Variants in OVOL2 observed in about 807,000 individuals in gnomAD.
The protein encoded by OVOL2 is ovo like zinc finger 2.
Under a neutral mutation model 18.1 loss-of-function variants are expected in OVOL2, and 13 were observed. That is an observed-to-expected ratio of 0.72 (90% CI 0.47 to 1.14). The LOEUF is 1.14. Among genes scored for constraint, OVOL2 ranks in the 50% most tolerant of loss-of-function variants. The probability of loss-of-function intolerance (pLI) is 0.00; values close to 1 mark genes in which losing one functional copy is unlikely to be tolerated. For missense variants in OVOL2, 335 were observed against 383.0 expected, an observed-to-expected ratio of 0.87 and a Z score of 1.05; for synonymous variants, 166 against 162.7, an observed-to-expected ratio of 1.02 and a Z score of -0.16.
chr20:18,055,087 G>C (rs75452705), intron 2 of OVOL2, among the ~76,000 whole-genome samples: 6 of 151,800 alleles, frequency 4.0e-5, no homozygotes, highest in African/African-American at 1.5e-4. Flanking sequence ...TGTGCCTCCC[G>C]CCCCCCTTCC....
chr20:18,029,907 GA>G (rs2036552755), intron 3 of OVOL2, among the ~76,000 whole-genome samples: 1 of 152,104 alleles, frequency 6.6e-6, no homozygotes, highest in South Asian at 2.1e-4. Context: ...TGGAACCCAG[GA>G]ATTCAAGGCT....
At chr20:18,040,390 T>A (rs929127534) in intron 3 of OVOL2, among the ~76,000 whole-genome samples, 2 of 152,080 alleles carry the variant, frequency 1.3e-5, no homozygotes, top group African/African-American at 4.8e-5. Flanking sequence ...CGTGATGGGC[T>A]GGGATGGGCT....
chr20:18,034,154 A>T (rs2036594276), intron 3 of OVOL2, among the ~76,000 whole-genome samples: 1 of 152,090 alleles, frequency 6.6e-6, no homozygotes, highest in Non-Finnish European at 1.5e-5. Context: ...GGGTCAGTGC[A>T]TGTCCCCAGC....
At chr20:18,028,066 C>T (rs1229278106) in intron 3 of OVOL2, among the ~76,000 whole-genome samples, 1 of 152,166 alleles carries the variant, frequency 6.6e-6, no homozygotes, top group Non-Finnish European at 1.5e-5. Context: ...GGAGGGATGC[C>T]ACCTGGAGAA....
chr20:18,057,796 C>T lies in OVOL2; in HGVS notation c.-162G>A, dbSNP rs2036845282. 1 of 1,374,530 alleles carries T rather than the reference C, an allele frequency of 7.3e-7. No individual in the cohort carries two copies. The highest frequency in any genetic ancestry group is 9.3e-7 in the Non-Finnish European group (1 of 1,071,238). The allele number at this position is 1,374,530 out of a possible 1,614,324, so 85.1% of individuals were successfully genotyped here. ...CGCCGCGGCGCGGCCCAGGCCTCTC[C>T]CCCGCACGCCTGGCGACTCCCAGCC... On this transcript the variant is annotated 5_prime_UTR_variant, in exon 1 of 4. Coordinates refer to ENST00000278780, the MANE Select transcript of OVOL2 (RefSeq NM_021220.4). The surrounding 1 kb of genome is among the most constrained non-coding windows in gnomAD (Gnocchi z 6.3).
In OVOL2 at chr20:18,057,522, C is replaced by T; in HGVS notation, c.100+13G>A. On this transcript the variant is annotated intron_variant, in intron 1 of 3. Coordinates refer to ENST00000278780, the MANE Select transcript of OVOL2 (RefSeq NM_021220.4). This position sits in a 1 kb window ranked among gnomAD's most constrained non-coding sequence, Gnocchi z 6.3. The stretch of plus-strand genomic sequence containing the variant: ...GAGCCCAGCGCCCAGGCCCGGCCCC[C>T]GCGCGCGCTCACCTGGGATGTAGGT... The T allele has an allele frequency of 6.4e-7, 1 of 1,559,888 alleles. No homozygotes were observed. The highest frequency in any genetic ancestry group is 8.7e-7 in the Non-Finnish European group (1 of 1,151,814).
rs1255593468 is a variant in OVOL2 at position 18,024,467 on chromosome 20, G to A, written c.*169C>T. The A allele has an allele frequency of 3.6e-6, 5 of 1,370,878 alleles. No individual in the cohort carries two copies. Among genetic ancestry groups the A allele is most frequent in the East Asian group, 2.6e-5 (1 of 39,184 alleles). 84.9% of individuals were successfully genotyped at this position (1,370,878 alleles called of 1,614,324 possible). On this transcript the variant is annotated 3_prime_UTR_variant, in exon 4 of 4. Coordinates refer to ENST00000278780, the MANE Select transcript of OVOL2 (RefSeq NM_021220.4). ...GGTTACAGGGCCTGACGTCACTAAC[G>A]GCAACTGACAATCTTGGAATGGACC...
rs978451867 is a variant in OVOL2 at position 18,056,537 on chromosome 20, C to T, written c.321+120G>A. On this transcript the variant is annotated intron_variant, in intron 2 of 3. Transcript: ENST00000278780. This position sits in a 1 kb window ranked among gnomAD's most constrained non-coding sequence, Gnocchi z 4.2. ...GCAGGTGCAGGAGCGGCGCGGCGGGCGCGCTCGGGGCGCGGGTGCCGGGTT... is the reference window on the plus strand; with the variant it reads ...GCAGGTGCAGGAGCGGCGCGGCGGGTGCGCTCGGGGCGCGGGTGCCGGGTT... The T allele has an allele frequency of 3.7e-6, 4 of 1,075,830 alleles. No individual in the cohort carries two copies. The highest frequency in any genetic ancestry group is 8.9e-5 in the South Asian group (2 of 22,562). The allele number at this position is 1,075,830 out of a possible 1,614,324, so 66.6% of individuals were successfully genotyped here. A position where few individuals can be genotyped will look rare whatever the true frequency, so the allele number is the denominator to read the frequency against.
At chr20:18,055,898 G>A (rs1487094187) in intron 2 of OVOL2, among the ~76,000 whole-genome samples, 1 of 152,208 alleles carries the variant, frequency 6.6e-6, no homozygotes, top group Non-Finnish European at 1.5e-5. Context: ...GGTGGGTAGC[G>A]GATACCTTTG....
chr20:18,037,315 G>A (rs1286146663), intron 3 of OVOL2, among the ~76,000 whole-genome samples: 1 of 152,186 alleles, frequency 6.6e-6, no homozygotes, highest in Non-Finnish European at 1.5e-5. Context: ...CACCACTGAT[G>A]GGTTGTGTGA....
intron 3 of OVOL2, among the ~76,000 whole-genome samples, chr20:18,027,682 G>A (rs1222374610): frequency 4.6e-5 from 7 of 151,834 alleles, no homozygotes; most frequent in Non-Finnish European, 1.0e-4. Flanking sequence ...TGCAAGCTCC[G>A]CCTCCTGGGT....
At chr20:18,033,275 C>T (rs62206506) in intron 3 of OVOL2, among the ~76,000 whole-genome samples, 24,080 of 152,248 alleles carry the variant, frequency 0.16, 2,012 homozygotes, top group Middle Eastern at 0.27. Context: ...AGGGTGGGGC[C>T]GGTGCCCCCT....
intron 2 of OVOL2, among the ~76,000 whole-genome samples, chr20:18,048,650 T>C (rs189398035): frequency 1.3e-5 from 2 of 152,226 alleles, no homozygotes; most frequent in East Asian, 3.9e-4. Flanking sequence ...GCGGTTACAG[T>C]AAGCCGAGAT....
intron 3 of OVOL2, among the ~76,000 whole-genome samples, chr20:18,027,097 A>G (rs2036526776): frequency 8.0e-6 from 1 of 125,708 alleles, no homozygotes; most frequent in Non-Finnish European, 1.7e-5. Flanking sequence ...CCCTGAATCT[A>G]AAATCAAAGT....
At chr20:18,030,265 G>T (rs2036556352) in intron 3 of OVOL2, among the ~76,000 whole-genome samples, 1 of 152,226 alleles carries the variant, frequency 6.6e-6, no homozygotes, top group Non-Finnish European at 1.5e-5. Flanking sequence ...CTACCCAGTA[G>T]ATCAAGCGGC....
rs188443451 is a variant in OVOL2 at position 18,027,891 on chromosome 20, G to A, written c.512-2939C>T. 2.6e-3 allele frequency among the ~76,000 whole-genome samples: 402 copies of A among 152,230 alleles called. 2 individuals are homozygous for A. The highest frequency in any genetic ancestry group is 9.4e-3 in the African/African-American group (389 of 41,574). ...ATTACAGGCGTGAGCCACTGCGCCC[G>A]GCTGTAAGGTCTAACTTAGGCTCTC... On this transcript the variant is annotated intron_variant, in intron 3 of 3. Coordinates refer to ENST00000278780, the MANE Select transcript of OVOL2 (RefSeq NM_021220.4).
chr20:18,024,353 G>A lies in OVOL2; in HGVS notation c.*283C>T. The stretch of plus-strand genomic sequence containing the variant: ...CTTCCGTGTGTGAAAATCCTTGGGG[G>A]AAAAAAAAATCCCACACGGTGTTCT... On this transcript the variant is annotated 3_prime_UTR_variant, in exon 4 of 4. Transcript: ENST00000278780. 3 of 371,278 alleles carry A rather than the reference G, an allele frequency of 8.1e-6. No individual in the cohort carries two copies. The highest frequency in any genetic ancestry group is 1.4e-5 in the Non-Finnish European group (3 of 217,534). The allele number at this position is 371,278 out of a possible 1,614,324, so 23.0% of individuals were successfully genotyped here.
intron 3 of OVOL2, among the ~76,000 whole-genome samples, chr20:18,026,382 A>AT (rs11337430): frequency 0.19 from 26,687 of 138,758 alleles, 2,928 homozygotes; most frequent in African/African-American, 0.29. Flanking sequence ...TCAGGAATCC[A>AT]TTTTTTTTTT....
intron 3 of OVOL2, among the ~76,000 whole-genome samples, chr20:18,038,004 C>T (rs1009748548): frequency 7.2e-5 from 11 of 152,204 alleles, no homozygotes; most frequent in African/African-American, 2.7e-4. Context: ...AGAAAGCTTG[C>T]TCATCCTTCA....
Sources: gnomAD v4.1 joint callset for allele counts (sites outside exome capture counted in the v4.1 genomes callset) on GRCh38, gnomAD v4.1.1 for gene constraint, Gnocchi (gnomAD v3.1) non-coding constraint, MANE v1.5 for transcripts, NCBI Gene and HGNC (gene_info 2026-07-23, HGNC 2026-07-21) for gene names.